LNP1: variants seen among roughly 807,000 people sequenced by gnomAD.
LNP1 encodes the protein leukemia NUP98 fusion partner 1.
LNP1 carries 12 observed loss-of-function variants against 14.5 expected under a neutral mutation model. The ratio of observed to expected loss-of-function variants is 0.83; its 90% CI spans 0.53 to 1.34. The LOEUF is 1.34. LNP1 is among the 40% of genes most tolerant of loss of function. The probability of loss-of-function intolerance (pLI) is 0.00; values close to 1 mark genes in which losing one functional copy is unlikely to be tolerated. For missense variants in LNP1, 198 were observed against 210.9 expected (o/e 0.94, Z 0.38); for synonymous variants, 75 against 71.4 (o/e 1.05, Z -0.26).
At chr3:100,410,356 A>C (rs969414548) in intron 1 of LNP1, among the ~76,000 whole-genome samples, 1 of 143,990 alleles carries the variant, frequency 6.9e-6, no homozygotes, top group South Asian at 2.1e-4. Flanking sequence ...GTGAGATCTC[A>C]GATACAAATA....
intron 1 of LNP1, among the ~76,000 whole-genome samples, chr3:100,412,282 G>A (rs1412372942): frequency 6.6e-6 from 1 of 152,120 alleles, no homozygotes; most frequent in African/African-American, 2.4e-5. Flanking sequence ...TAGAGAGCAA[G>A]AACTCACTAC....
At chr3:100,433,059 T>C (rs891265587) in intron 2 of LNP1, among the ~76,000 whole-genome samples, 1 of 152,190 alleles carries the variant, frequency 6.6e-6, no homozygotes, top group African/African-American at 2.4e-5. Context: ...TTTTTCTTTT[T>C]TCTTTAAAGT....
intron 2 of LNP1, among the ~76,000 whole-genome samples, chr3:100,446,039 G>A (rs1310611017): frequency 6.6e-6 from 1 of 152,134 alleles, no homozygotes; most frequent in Non-Finnish European, 1.5e-5. Flanking sequence ...GTAGTTTATA[G>A]ATTCAATGCC....
intron 1 of LNP1, among the ~76,000 whole-genome samples, chr3:100,409,004 C>G (rs1706998727): frequency 6.6e-6 from 1 of 152,242 alleles, no homozygotes; most frequent in Non-Finnish European, 1.5e-5. Context: ...CTGGAGAGTC[C>G]TATTCCACCA....
rs528699767 is a variant in LNP1 at position 100,433,068 on chromosome 3, G to T, written c.156+3183G>T. On this transcript the variant is annotated intron_variant, in intron 2 of 3. Coordinates refer to ENST00000383693, the MANE Select transcript of LNP1 (RefSeq NM_001085451.2). Reference sequence around the variant, plus strand: ...CAAGATTTTTTCTTTTTTCTTTAAAGTTAAAGTTCTGGAATACATGTGCAG... The same window carrying T: ...CAAGATTTTTTCTTTTTTCTTTAAATTTAAAGTTCTGGAATACATGTGCAG... Among the ~76,000 whole-genome samples, 217 of 152,168 alleles carry T rather than the reference G, an allele frequency of 1.4e-3. 1 individual carries two copies. The highest frequency in any genetic ancestry group is 0.014 in the Middle Eastern group (4 of 294).
chr3:100,442,738 C>G (rs1206768667), intron 2 of LNP1, among the ~76,000 whole-genome samples: 2 of 151,936 alleles, frequency 1.3e-5, no homozygotes, highest in East Asian at 3.9e-4. Context: ...TTTGGGGGCC[C>G]CAAGATTATT....
chr3:100,434,628 G>A (rs1373369124), intron 2 of LNP1, among the ~76,000 whole-genome samples: 3 of 151,190 alleles, frequency 2.0e-5, no homozygotes, highest in Admixed American at 6.6e-5. Context: ...TCCAGGGTTC[G>A]AGGAATGCTC....
intron 1 of LNP1, among the ~76,000 whole-genome samples, chr3:100,413,053 A>G (rs4441690): frequency 0.24 from 36,249 of 152,194 alleles, 5,382 homozygotes; most frequent in Middle Eastern, 0.38. Context: ...CGGGACACCA[A>G]TTGCTCCTGC....
intron 1 of LNP1, among the ~76,000 whole-genome samples, chr3:100,427,364 G>A (rs1008868796): frequency 9.2e-5 from 14 of 152,166 alleles, no homozygotes; most frequent in East Asian, 1.9e-4. Context: ...TTAGCTACCC[G>A]TGGCCAAAAG....
rs1338136125 is a variant in LNP1, at chr3:100,455,968, G to GT, written c.*49dup. 9.6e-6 allele frequency: 15 copies of GT among 1,566,686 alleles called. No individual in the cohort carries two copies. The highest frequency in any genetic ancestry group is 1.4e-5 in the African/African-American group (1 of 72,518). ...CATGACATCAGATGCTACTGTTTTG[G>GT]TTTTTTTCTTTGAGCCCCAATTCAC... is the stretch of plus-strand genomic sequence containing the variant. On this transcript the variant is annotated 3_prime_UTR_variant, in exon 4 of 4. Coordinates refer to ENST00000383693, the MANE Select transcript of LNP1 (RefSeq NM_001085451.2).
chr3:100,416,810 C>A (rs1483863049), intron 1 of LNP1, among the ~76,000 whole-genome samples: 4 of 150,132 alleles, frequency 2.7e-5, no homozygotes, highest in Non-Finnish European at 4.4e-5. Flanking sequence ...TGGTTTGTTG[C>A]ACCTATCAAC....
chr3:100,429,558 T>A (rs1239423364), intron 1 of LNP1, 139 bp from the exon 2 acceptor site: 5 of 614,744 alleles, frequency 8.1e-6, no homozygotes, highest in Non-Finnish European at 1.4e-5. Flanking sequence ...ATGAAGTGGT[T>A]GTTTAGTAAA....
At chr3:100,453,850 A>G (rs1707483949) in intron 3 of LNP1, among the ~76,000 whole-genome samples, 1 of 152,126 alleles carries the variant, frequency 6.6e-6, no homozygotes. Context: ...ATATAATACT[A>G]TTATCTCTAA....
intron 3 of LNP1, among the ~76,000 whole-genome samples, chr3:100,453,514 C>A (rs535473151): frequency 6.7e-6 from 1 of 148,218 alleles, no homozygotes; most frequent in South Asian, 2.1e-4. Flanking sequence ...CTCTTGTGCT[C>A]GAGTTTGAGA....
At position 100,401,995 on chromosome 3, in the gene LNP1, C is replaced by G. The variant is rs1051984; in HGVS notation, c.-478C>G. ...TTTCTGCGTCAGCCCACATCTCGCT[C>G]TGATCCGCACGCCCCCCGGGTTGTT... On this transcript the variant is annotated 5_prime_UTR_variant, in exon 1 of 4. Coordinates refer to ENST00000383693, the MANE Select transcript of LNP1 (RefSeq NM_001085451.2). The G allele has an allele frequency of 6.6e-6, 1 of 152,234 alleles. No individual in the cohort carries two copies. The highest frequency in any genetic ancestry group is 6.5e-5 in the Admixed American group (1 of 15,286). The allele number at this position is 152,234 out of a possible 1,614,324, so 9.4% of individuals were successfully genotyped here.
chr3:100,407,907 AT>A (rs1184931027), intron 1 of LNP1, among the ~76,000 whole-genome samples: 1 of 151,840 alleles, frequency 6.6e-6, no homozygotes, highest in Non-Finnish European at 1.5e-5. Context: ...CATTCATTGT[AT>A]TTTTCAGCTC....
Position 100,429,818 on chromosome 3 carries a change from A to G in LNP1, c.89A>G (p.Gln30Arg). The G allele has an allele frequency of 3.1e-6, 5 of 1,614,020 alleles. No homozygotes were observed. Among genetic ancestry groups the G allele is most frequent in the Non-Finnish European group, 4.2e-6 (5 of 1,179,962 alleles). The change falls in exon 2 of 4, where the codon CAG becomes CGG. Residue 30 changes from glutamine (Q) to arginine (R), a missense_variant. By Grantham distance (43) the Gln-to-Arg change is conservative. Transcript: ENST00000383693. ...FWGHSWREED[Q>R]RGLRERHRLQ... ...GGCCACAGCTGGAGAGAGGAGGATC[A>G]GAGAGGACTCCGGGAACGCCACCGA... is the stretch of plus-strand genomic sequence containing the variant.
intron 2 of LNP1, among the ~76,000 whole-genome samples, chr3:100,434,185 T>G (rs1707269757): frequency 6.6e-6 from 1 of 152,248 alleles, no homozygotes. Flanking sequence ...CTTCTAGGGC[T>G]GTTATGGTTT....
chr3:100,432,141 CT>C (rs143939509), intron 2 of LNP1, among the ~76,000 whole-genome samples: 5,610 of 149,012 alleles, frequency 0.038, 386 homozygotes, highest in East Asian at 0.31. Context: ...TACTCTTATC[CT>C]TACTTTTTTT....
Sources: gnomAD v4.1 joint callset for allele counts (sites outside exome capture counted in the v4.1 genomes callset) on GRCh38, gnomAD v4.1.1 for gene constraint, MANE v1.5 for transcripts, NCBI Gene and HGNC (gene_info 2026-07-23, HGNC 2026-07-21) for gene names.